The following TFCP2L1 variants were observed in gnomAD, a reference collection of about 807,000 sequenced individuals.
TFCP2L1 encodes the protein transcription factor CP2-like protein 1.
Under a neutral mutation model 72.2 loss-of-function variants are expected in TFCP2L1, and 12 were observed. That is an observed-to-expected ratio of 0.17 (90% CI 0.11 to 0.27). The LOEUF (loss-of-function observed/expected upper bound fraction) is 0.27. Ranked by LOEUF, TFCP2L1 falls within the 10% of genes least tolerant of loss-of-function variation. The pLI is 1.00. For synonymous variants in TFCP2L1, 260 were observed against 251.0 expected, an observed-to-expected ratio of 1.04 and a Z score of -0.34; for missense variants, 488 against 624.6, an observed-to-expected ratio of 0.78 and a Z score of 2.33.
chr2:121,264,776 G>C (rs937978363), intron 2 of TFCP2L1, among the ~76,000 whole-genome samples: 1 of 152,224 alleles, frequency 6.6e-6, no homozygotes, highest in African/African-American at 2.4e-5. Context: ...CTGGCAGATG[G>C]CTGCCAGTCT....
At chr2:121,240,436 G>T in intron 7 of TFCP2L1, 1 of 985,360 alleles carries the variant, frequency 1.0e-6, no homozygotes. Flanking sequence ...CATTCCCGAA[G>T]ATTTACTATC....
At chr2:121,281,953 C>T (rs1248111376) in intron 1 of TFCP2L1, among the ~76,000 whole-genome samples, 4 of 149,054 alleles carry the variant, frequency 2.7e-5, no homozygotes, top group African/African-American at 7.4e-5. Context: ...GCGGGGGGGA[C>T]GGAGTTTCAC....
In TFCP2L1 at chr2:121,248,288, C is replaced by T; in HGVS notation, c.398-18G>A. The T allele has an allele frequency of 6.3e-7, 1 of 1,578,452 alleles. No homozygotes were observed. Among genetic ancestry groups the T allele is most frequent in the Non-Finnish European group, 8.7e-7 (1 of 1,152,098 alleles). On this transcript the variant is annotated intron_variant, in intron 4 of 14. Coordinates refer to ENST00000263707, the MANE Select transcript of TFCP2L1 (RefSeq NM_014553.3). Reference sequence around the variant, plus strand: ...TGGAATATCTGCATACACACACACACATACAGAAAGTGCAATTGTCAGCCT... The same window carrying T: ...TGGAATATCTGCATACACACACACATATACAGAAAGTGCAATTGTCAGCCT...
chr2:121,266,304 AC>A (rs1455046138), intron 2 of TFCP2L1, among the ~76,000 whole-genome samples: 1 of 151,734 alleles, frequency 6.6e-6, no homozygotes, highest in Non-Finnish European at 1.5e-5. Flanking sequence ...CCAAATATCC[AC>A]AAAAAATTGC....
intron 2 of TFCP2L1, among the ~76,000 whole-genome samples, chr2:121,266,388 T>C (rs1686931025): frequency 6.6e-6 from 1 of 152,166 alleles, no homozygotes; most frequent in Admixed American, 6.5e-5. Flanking sequence ...ATGTGATTTT[T>C]CCATAATGTA....
At chr2:121,279,559 GAGGGAGGC>G (rs1687213920) in intron 2 of TFCP2L1, among the ~76,000 whole-genome samples, 1 of 152,232 alleles carries the variant, frequency 6.6e-6, no homozygotes, top group African/African-American at 2.4e-5. Context: ...CTTCTACCCA[GAGGGAGGC>G]AGACAGAGCC....
intron 10 of TFCP2L1, among the ~76,000 whole-genome samples, chr2:121,235,799 T>C (rs915784041): frequency 9.9e-5 from 15 of 151,836 alleles, no homozygotes; most frequent in Non-Finnish European, 2.1e-4. Flanking sequence ...TGCATCTGTC[T>C]GTATGTGGAA....
In TFCP2L1 at chr2:121,220,217, TC is replaced by T. The variant is rs1685905499; in HGVS notation, c.*4123del. 6.6e-6 allele frequency: 1 copy of T among 152,328 alleles called. No individual in the cohort carries two copies. Among genetic ancestry groups the T allele is most frequent in the African/African-American group, 2.4e-5 (1 of 41,564 alleles). The allele number at this position is 152,328 out of a possible 1,614,324, so 9.4% of individuals were successfully genotyped here. On this transcript the variant is annotated 3_prime_UTR_variant, in exon 15 of 15. Transcript: ENST00000263707. ...CTCCAGTCCACTGCTGGTAAAGCCTTCCCTAGGTTAATAGCTCTGTGTAAGG... is the reference window on the plus strand; with the variant it reads ...CTCCAGTCCACTGCTGGTAAAGCCTTCCTAGGTTAATAGCTCTGTGTAAGG...
rs59300568 is a variant in TFCP2L1 at position 121,228,772 on chromosome 2, C to CAAAAAAAA, written c.1341+3046_1341+3053dup. Among the ~76,000 whole-genome samples, 38 of 58,172 alleles carry CAAAAAAAA rather than the reference C, an allele frequency of 6.5e-4. 1 individual carries two copies. The highest frequency in any genetic ancestry group is 8.7e-4 in the Non-Finnish European group (31 of 35,666). 38.2% of individuals were successfully genotyped at this position (58,172 alleles called of 152,430 possible). The stretch of plus-strand genomic sequence containing the variant: ...GGTTACAGAGTGAAACCGTGACTCA[C>CAAAAAAAA]AAAAAAAAAAAAAAAAAAAAAAAAG... On this transcript the variant is annotated intron_variant, in intron 13 of 14. Transcript: ENST00000263707.
Position 121,268,319 on chromosome 2 carries a change from T to G in TFCP2L1, c.214+12801A>C, listed in dbSNP as rs117728082. 3.6e-3 allele frequency among the ~76,000 whole-genome samples: 542 copies of G among 152,142 alleles called. 8 individuals are homozygous for G. Among genetic ancestry groups the G allele is most frequent in the South Asian group, 0.033 (161 of 4,812 alleles). On this transcript the variant is annotated intron_variant, in intron 2 of 14. Transcript: ENST00000263707. ...TTAAACATTTTTATAAATATTTACA[T>G]TTTTTTTAAGTTTTGGCCTATAGTA...
chr2:121,283,445 A>G (rs1386742641), intron 1 of TFCP2L1, among the ~76,000 whole-genome samples: 1 of 152,202 alleles, frequency 6.6e-6, no homozygotes, highest in Non-Finnish European at 1.5e-5. Context: ...GTGAAATAAA[A>G]AAGGGCAAGG....
chr2:121,281,002 AGCCCGACCTC>A lies in TFCP2L1; in HGVS notation c.214+108_214+117del, dbSNP rs1054972644. Reference sequence around the variant, plus strand: ...GAACCTGCACCTGTTCTCTTTCCCGAGCCCGACCTCGCCCGACCTCACCCACCGTAACAAA... The same window carrying A: ...GAACCTGCACCTGTTCTCTTTCCCGAGCCCGACCTCACCCACCGTAACAAA... On this transcript the variant is annotated intron_variant, in intron 2 of 14. Transcript: ENST00000263707. 68 of 1,340,748 alleles carry A rather than the reference AGCCCGACCTC, an allele frequency of 5.1e-5. No homozygotes were observed. In the African/African-American group the frequency reaches 6.4e-4, roughly 13 times the overall value. 83.1% of individuals were successfully genotyped at this position (1,340,748 alleles called of 1,614,324 possible). A position where few individuals can be genotyped will look rare whatever the true frequency, so the allele number is the denominator to read the frequency against.
At chr2:121,250,446 AATGT>A (rs1686584069) in intron 2 of TFCP2L1, among the ~76,000 whole-genome samples, 1 of 150,970 alleles carries the variant, frequency 6.6e-6, no homozygotes, top group African/African-American at 2.4e-5. Flanking sequence ...ATTTTCCCAA[AATGT>A]ATCTCAAAAA....
At chr2:121,240,835 G>T (rs374823578) in intron 7 of TFCP2L1, 2 of 756,806 alleles carry the variant, frequency 2.6e-6, no homozygotes, top group Admixed American at 6.3e-5. Context: ...TGCGGGCCGT[G>T]GGGGAGGCAG....
intron 2 of TFCP2L1, among the ~76,000 whole-genome samples, chr2:121,269,880 G>C (rs1057391513): frequency 1.8e-4 from 22 of 125,132 alleles, no homozygotes; most frequent in Non-Finnish European, 3.2e-4. Context: ...CTGCACACCA[G>C]CCTGGGTGAC....
chr2:121,243,175 T>C (rs911201925), intron 6 of TFCP2L1, among the ~76,000 whole-genome samples: 20 of 152,240 alleles, frequency 1.3e-4, no homozygotes, highest in Non-Finnish European at 2.4e-4. Context: ...CTCCTGAGCA[T>C]GTGCATCTTA....
In TFCP2L1 at chr2:121,262,415, G is replaced by A. The variant is rs181705295; in HGVS notation, c.215-12768C>T. Among the ~76,000 whole-genome samples the A allele has an allele frequency of 8.4e-3, 1,281 of 152,274 alleles. 9 individuals are homozygous for A. Among genetic ancestry groups the A allele is most frequent in the Non-Finnish European group, 0.014 (982 of 68,028 alleles). Reference sequence around the variant, plus strand: ...GGGAGGCGAGGCTGCAGTGAGCCAAGATTGCACCACTGCACTCCAGCCTGG... The same window carrying A: ...GGGAGGCGAGGCTGCAGTGAGCCAAAATTGCACCACTGCACTCCAGCCTGG... On this transcript the variant is annotated intron_variant, in intron 2 of 14. Coordinates refer to ENST00000263707, the MANE Select transcript of TFCP2L1 (RefSeq NM_014553.3).
At chr2:121,232,613 C>T (rs1346008314) in intron 12 of TFCP2L1, among the ~76,000 whole-genome samples, 1 of 152,210 alleles carries the variant, frequency 6.6e-6, no homozygotes, top group Non-Finnish European at 1.5e-5. Flanking sequence ...AATTCTGTCC[C>T]TTTTCAGCTC....
At position 121,222,601 on chromosome 2, in the gene TFCP2L1, A is replaced by C. The variant is rs556123347; in HGVS notation, c.*1740T>G. On this transcript the variant is annotated 3_prime_UTR_variant, in exon 15 of 15. Coordinates refer to ENST00000263707, the MANE Select transcript of TFCP2L1 (RefSeq NM_014553.3). ...AATGTCCAGAGTAGGTTAATCTTACATAGAAAGTAGATTCATGGCTGCCTT... is the reference window on the plus strand; with the variant it reads ...AATGTCCAGAGTAGGTTAATCTTACCTAGAAAGTAGATTCATGGCTGCCTT... 2 of 152,364 alleles carry C rather than the reference A, an allele frequency of 1.3e-5. No individual in the cohort carries two copies. Among genetic ancestry groups the C allele is most frequent in the Admixed American group, 6.5e-5 (1 of 15,298 alleles). 9.4% of individuals were successfully genotyped at this position (152,364 alleles called of 1,614,324 possible).
Sources: allele counts gnomAD v4.1 joint callset (sites outside exome capture counted in the v4.1 genomes callset), GRCh38; gene constraint gnomAD v4.1.1; transcripts MANE v1.5; gene names NCBI Gene and HGNC (gene_info 2026-07-23, HGNC 2026-07-21).